The following ADGRL3 variants were observed in gnomAD, a reference collection of about 807,000 sequenced individuals.
The protein encoded by ADGRL3 is calcium-independent alpha-latrotoxin receptor 3.
In ADGRL3, 62 loss-of-function variants were observed where a neutral mutation model predicts 153.5. That is an observed-to-expected ratio of 0.40 (90% CI 0.33 to 0.50). The LOEUF (loss-of-function observed/expected upper bound fraction) is 0.50, where lower values mean the gene tolerates loss of function less well. Ranked by LOEUF, ADGRL3 falls within the 20% of genes least tolerant of loss-of-function variation. The pLI is 0.47. For missense variants in ADGRL3, 1,641 were observed against 1,859.4 expected (o/e 0.88, Z 2.16); for synonymous variants, 710 against 672.5 (o/e 1.06, Z -0.86).
intron 4 of ADGRL3, among the ~76,000 whole-genome samples, chr4:61,523,749 C>T (rs527412918): frequency 2.6e-5 from 4 of 151,994 alleles, no homozygotes; most frequent in East Asian, 1.9e-4. Flanking sequence ...AATAAATGTG[C>T]GAGCTTGACC....
chr4:62,029,399 A>G (rs1720733109), intron 22 of ADGRL3, among the ~76,000 whole-genome samples: 1 of 151,818 alleles, frequency 6.6e-6, no homozygotes. Flanking sequence ...ATGCAAAATT[A>G]TCCCTTTCAA....
At chr4:61,344,014 T>G (rs768154153) in intron 1 of ADGRL3, among the ~76,000 whole-genome samples, 42 of 152,214 alleles carry the variant, frequency 2.8e-4, no homozygotes, top group Non-Finnish European at 5.1e-4. Context: ...TGAGATGGAT[T>G]TATGCAGCAT....
chr4:61,554,100 A>ATTT (rs34976733), intron 4 of ADGRL3, among the ~76,000 whole-genome samples: 51 of 143,196 alleles, frequency 3.6e-4, no homozygotes, highest in African/African-American at 7.4e-4. Flanking sequence ...GGCTTGGGCC[A>ATTT]TTTTTTTTTT....
At chr4:61,607,560 A>G (rs1484875890) in intron 5 of ADGRL3, among the ~76,000 whole-genome samples, 2 of 152,168 alleles carry the variant, frequency 1.3e-5, no homozygotes, top group Non-Finnish European at 2.9e-5. Flanking sequence ...AGATTGCATC[A>G]CTGCACTCCA....
At chr4:61,654,902 G>C (rs2150454979) in intron 5 of ADGRL3, among the ~76,000 whole-genome samples, 1 of 151,798 alleles carries the variant, frequency 6.6e-6, no homozygotes, top group East Asian at 1.9e-4. Context: ...ATCTCAAAAA[G>C]AAAAAAGAAA....
chr4:61,627,269 T>A (rs922006555), intron 5 of ADGRL3, among the ~76,000 whole-genome samples: 5 of 152,182 alleles, frequency 3.3e-5, no homozygotes, highest in African/African-American at 1.2e-4. Context: ...TTACTTTTTT[T>A]AGAAATGTTC....
At chr4:61,562,558 C>A (rs1194857178) in intron 4 of ADGRL3, among the ~76,000 whole-genome samples, 1 of 152,144 alleles carries the variant, frequency 6.6e-6, no homozygotes, top group South Asian at 2.1e-4. Context: ...AGAATGTTCA[C>A]CCGGAGTAGA....
chr4:61,789,501 T>C (rs2097316305), intron 8 of ADGRL3, among the ~76,000 whole-genome samples: 1 of 152,218 alleles, frequency 6.6e-6, no homozygotes, highest in Non-Finnish European at 1.5e-5. Flanking sequence ...AAGAAGCTTA[T>C]TTTTAAGATT....
Position 62,044,607 on chromosome 4 carries a change from A to G in ADGRL3, c.3814+58A>G, listed in dbSNP as rs1299425644. ...TTTCTGATTACTTTAAGAAGTCCTT[A>G]AATTCATTGCTTTATTTGCAACTTC... On this transcript the variant is annotated intron_variant, in intron 25 of 26. Transcript: ENST00000683033. The G allele has an allele frequency of 3.5e-6, 4 of 1,155,544 alleles. No individual in the cohort carries two copies. In the African/African-American group the frequency reaches 6.2e-5, roughly 18 times the overall value. 71.6% of individuals were successfully genotyped at this position (1,155,544 alleles called of 1,614,324 possible). A position where few individuals can be genotyped will look rare whatever the true frequency, so the allele number is the denominator to read the frequency against.
At chr4:61,985,883 A>T (rs768715913) in intron 19 of ADGRL3, among the ~76,000 whole-genome samples, 6 of 147,206 alleles carry the variant, frequency 4.1e-5, no homozygotes, top group Non-Finnish European at 8.9e-5. Context: ...TTCCAGTGAC[A>T]TCTGTGAAAC....
intron 13 of ADGRL3, among the ~76,000 whole-genome samples, chr4:61,920,430 G>A (rs1182845084): frequency 1.3e-5 from 2 of 152,154 alleles, no homozygotes; most frequent in African/African-American, 4.8e-5. Context: ...TGAGAGCGTG[G>A]ATCCAAACAA....
At chr4:61,643,347 G>T (rs2093785722) in intron 5 of ADGRL3, among the ~76,000 whole-genome samples, 1 of 151,894 alleles carries the variant, frequency 6.6e-6, no homozygotes, top group South Asian at 2.1e-4. Context: ...TGGTGAGAGA[G>T]GGCATCCCTG....
At chr4:61,802,156 T>C (rs984499815) in intron 8 of ADGRL3, among the ~76,000 whole-genome samples, 2 of 152,102 alleles carry the variant, frequency 1.3e-5, no homozygotes, top group African/African-American at 4.8e-5. Flanking sequence ...ACCATGTGAG[T>C]AAACTTTTGA....
intron 13 of ADGRL3, among the ~76,000 whole-genome samples, chr4:61,924,555 A>G (rs760010026): frequency 5.3e-5 from 8 of 152,192 alleles, no homozygotes; most frequent in Non-Finnish European, 8.8e-5. Flanking sequence ...CCCAGTCTTC[A>G]CTTGCAAACC....
chr4:62,028,783 T>G lies in ADGRL3; in HGVS notation c.3396-72T>G, dbSNP rs574557080. 4.3e-5 allele frequency: 57 copies of G among 1,316,630 alleles called. No homozygotes were observed. In the African/African-American group the frequency reaches 7.9e-4, roughly 18 times the overall value. The allele number at this position is 1,316,630 out of a possible 1,614,324, so 81.6% of individuals were successfully genotyped here. ...AGGCCTTTGGGGACCAGGAGAATAT[T>G]TTTCATATGAAATTCTTTGTCATAA... On this transcript the variant is annotated intron_variant, in intron 21 of 26. Transcript: ENST00000683033.
At chr4:61,874,764 A>G (rs1352253283) in intron 9 of ADGRL3, among the ~76,000 whole-genome samples, 1 of 139,882 alleles carries the variant, frequency 7.1e-6, no homozygotes, top group Non-Finnish European at 1.5e-5. Context: ...TTTGTGTAAA[A>G]TATTTTCAAC....
intron 3 of ADGRL3, among the ~76,000 whole-genome samples, chr4:61,511,184 C>T (rs547339984): frequency 4.6e-5 from 7 of 152,122 alleles, no homozygotes; most frequent in Non-Finnish European, 8.8e-5. Context: ...TTGGTGAAAC[C>T]CTCTCTCTAC....
intron 8 of ADGRL3, among the ~76,000 whole-genome samples, chr4:61,793,933 CTT>C (rs1439729339): frequency 1.3e-5 from 2 of 151,826 alleles, no homozygotes; most frequent in Non-Finnish European, 2.9e-5. Context: ...AAAATAGTAA[CTT>C]AAAGTAAAAT....
At chr4:61,840,983 C>T (rs556031601) in intron 9 of ADGRL3, among the ~76,000 whole-genome samples, 2 of 151,606 alleles carry the variant, frequency 1.3e-5, no homozygotes, top group Non-Finnish European at 2.9e-5. Flanking sequence ...CTCAAACTTC[C>T]TCTAATCACA....
Sources: allele counts gnomAD v4.1 joint callset (sites outside exome capture counted in the v4.1 genomes callset), GRCh38; gene constraint gnomAD v4.1.1; transcripts MANE v1.5; gene names NCBI Gene and HGNC (gene_info 2026-07-23, HGNC 2026-07-21).